Variants in BCAS3 observed in about 807,000 individuals in gnomAD.
BCAS3 encodes the protein BCAS3 microtubule associated cell migration factor.
In BCAS3, 53 loss-of-function variants were observed where a neutral mutation model predicts 116.1. The observed-to-expected ratio is 0.46, with a 90% confidence interval of 0.37 to 0.57. The LOEUF (loss-of-function observed/expected upper bound fraction) is 0.57. Ranked by LOEUF, BCAS3 falls within the 20% of genes least tolerant of loss-of-function variation. The pLI, the probability that BCAS3 is intolerant of heterozygous loss-of-function variation, is 0.00. For missense variants in BCAS3, 917 were observed against 1,165.4 expected (o/e 0.79, Z 3.10); for synonymous variants, 391 against 408.2 (o/e 0.96, Z 0.51).
chr17:61,155,561 C>CTA (rs1240586448), intron 22 of BCAS3, among the ~76,000 whole-genome samples: 1 of 151,526 alleles, frequency 6.6e-6, no homozygotes, highest in African/African-American at 2.4e-5. Context: ...GCTGCTCTCT[C>CTA]TAGGAGCGAA....
At chr17:61,320,945 G>A (rs2055159886) in intron 22 of BCAS3, among the ~76,000 whole-genome samples, 1 of 152,130 alleles carries the variant, frequency 6.6e-6, no homozygotes, top group South Asian at 2.1e-4. Context: ...CATTATCTCA[G>A]ATGAGCATTA....
rs572462503 is a variant in BCAS3 at position 61,327,131 on chromosome 17, C to T, written c.2426-41196C>T. On this transcript the variant is annotated intron_variant, in intron 22 of 23. Coordinates refer to ENST00000407086, the MANE Select transcript of BCAS3 (RefSeq NM_017679.5). The surrounding 1 kb of genome is among the most constrained non-coding windows in gnomAD (Gnocchi z 5.9). ...CCACCTGGCCAACATGGTGAAACCT[C>T]ATCTCTACTAAAAATACAAAAATTA... 3.7e-4 allele frequency among the ~76,000 whole-genome samples: 57 copies of T among 152,068 alleles called. No individual in the cohort carries two copies. The highest frequency in any genetic ancestry group is 2.4e-3 in the Admixed American group (36 of 15,272).
In BCAS3 at chr17:61,281,259, A is replaced by G. The variant is rs1568742991; in HGVS notation, c.2426-87068A>G. On this transcript the variant is annotated intron_variant, in intron 22 of 23. Coordinates refer to ENST00000407086, the MANE Select transcript of BCAS3 (RefSeq NM_017679.5). This position sits in a 1 kb window ranked among gnomAD's most constrained non-coding sequence, Gnocchi z 4.2. ...TTGTTGGATGTATAGATGGTCTTCA[A>G]TCTTTTGTCATTATAAACAGTGTTA... Among the ~76,000 whole-genome samples the G allele has an allele frequency of 6.6e-6, 1 of 152,334 alleles. No homozygotes were observed. The highest frequency in any genetic ancestry group is 1.9e-4 in the East Asian group (1 of 5,184).
chr17:60,746,191 A>C (rs1430150628), intron 5 of BCAS3, among the ~76,000 whole-genome samples: 1 of 152,184 alleles, frequency 6.6e-6, no homozygotes, highest in Non-Finnish European at 1.5e-5. Context: ...TTCATCAAAC[A>C]CTAGGCAATT....
chr17:61,248,825 A>G lies in BCAS3; in HGVS notation c.2426-119502A>G, dbSNP rs1050397357. On this transcript the variant is annotated intron_variant, in intron 22 of 23. Transcript: ENST00000407086. The surrounding 1 kb of genome is among the most constrained non-coding windows in gnomAD (Gnocchi z 4.3). ...TAGGTCAAGAGGTTTGAAGCAGTAT[A>G]TTCACCTTTTACACTTCAAACCACT... is the stretch of plus-strand genomic sequence containing the variant. 1.3e-5 allele frequency among the ~76,000 whole-genome samples: 2 copies of G among 152,220 alleles called. No individual in the cohort carries two copies. The highest frequency in any genetic ancestry group is 4.8e-5 in the African/African-American group (2 of 41,452).
At position 61,189,242 on chromosome 17, in the gene BCAS3, C is replaced by T. The variant is rs1601808807; in HGVS notation, c.2425+104678C>T. On this transcript the variant is annotated intron_variant, in intron 22 of 23. Transcript: ENST00000407086. The surrounding 1 kb of genome is among the most constrained non-coding windows in gnomAD (Gnocchi z 4.5). Reference sequence around the variant, plus strand: ...TTAAGGAAAGCTTTCTGTAGAAGTACACCTGGGAGAAGTGTAATAGCAATC... The same window carrying T: ...TTAAGGAAAGCTTTCTGTAGAAGTATACCTGGGAGAAGTGTAATAGCAATC... Among the ~76,000 whole-genome samples the T allele has an allele frequency of 1.3e-5, 2 of 152,182 alleles. No individual in the cohort carries two copies. Among genetic ancestry groups the T allele is most frequent in the Admixed American group, 6.5e-5 (1 of 15,284 alleles).
At chr17:60,999,840 T>A (rs1211366732) in intron 15 of BCAS3, among the ~76,000 whole-genome samples, 1 of 152,192 alleles carries the variant, frequency 6.6e-6, no homozygotes, top group Non-Finnish European at 1.5e-5. Flanking sequence ...AGCAGTGTTT[T>A]GTAGTTGTCC....
rs117155913 is a variant in BCAS3 at position 61,376,535 on chromosome 17, C to T, written c.2593+8041C>T. 2.7e-3 allele frequency among the ~76,000 whole-genome samples: 417 copies of T among 152,294 alleles called. 9 individuals are homozygous for T. The East Asian group carries it at 0.053, about 19-fold the overall frequency. The stretch of plus-strand genomic sequence containing the variant: ...GGAATCGCTCTCCTCTCCAGGATCC[C>T]CAGTGTGGCCGCCCATGAGACCCAG... On this transcript the variant is annotated intron_variant, in intron 23 of 23. Coordinates refer to ENST00000407086, the MANE Select transcript of BCAS3 (RefSeq NM_017679.5). This position sits in a 1 kb window ranked among gnomAD's most constrained non-coding sequence, Gnocchi z 4.5.
intron 6 of BCAS3, among the ~76,000 whole-genome samples, chr17:60,804,894 A>G (rs920134088): frequency 6.6e-6 from 1 of 151,516 alleles, no homozygotes; most frequent in Non-Finnish European, 1.5e-5. Flanking sequence ...TTCATCTCCT[A>G]TCACATTTAG....
At chr17:60,877,476 C>T (rs1055330841) in intron 9 of BCAS3, among the ~76,000 whole-genome samples, 1 of 152,174 alleles carries the variant, frequency 6.6e-6, no homozygotes, top group Non-Finnish European at 1.5e-5. Flanking sequence ...TGTTAGCACT[C>T]TTTCTTAATG....
At chr17:60,840,509 T>C (rs536463576) in intron 7 of BCAS3, among the ~76,000 whole-genome samples, 11 of 152,330 alleles carry the variant, frequency 7.2e-5, no homozygotes, top group East Asian at 1.9e-4. Context: ...TATAAAGATA[T>C]AATTACACAA....
At chr17:60,828,191 G>A (rs2050602841) in intron 7 of BCAS3, among the ~76,000 whole-genome samples, 1 of 152,156 alleles carries the variant, frequency 6.6e-6, no homozygotes, top group African/African-American at 2.4e-5. Flanking sequence ...AAGAACATCT[G>A]CATAGATTCT....
intron 6 of BCAS3, among the ~76,000 whole-genome samples, chr17:60,755,839 C>T (rs902320741): frequency 6.6e-6 from 1 of 151,952 alleles, no homozygotes; most frequent in African/African-American, 2.4e-5. Context: ...ACATGTTATG[C>T]GGTACTTGTG....
Position 61,242,306 on chromosome 17 carries a change from G to A in BCAS3, c.2426-126021G>A, listed in dbSNP as rs9912343. Among the ~76,000 whole-genome samples the A allele has an allele frequency of 7.4e-3, 1,119 of 151,176 alleles. 15 individuals are homozygous for A. The highest frequency in any genetic ancestry group is 0.026 in the African/African-American group (1,075 of 41,204). On this transcript the variant is annotated intron_variant, in intron 22 of 23. Coordinates refer to ENST00000407086, the MANE Select transcript of BCAS3 (RefSeq NM_017679.5). Reference sequence around the variant, plus strand: ...AAAAAAAAAAAAAATCCAAACATCAGGAAGACAGTGTAAATATCAGGGTCT... The same window carrying A: ...AAAAAAAAAAAAAATCCAAACATCAAGAAGACAGTGTAAATATCAGGGTCT...
intron 7 of BCAS3, among the ~76,000 whole-genome samples, chr17:60,836,246 T>C (rs1030812503): frequency 6.6e-6 from 1 of 152,172 alleles, no homozygotes; most frequent in Non-Finnish European, 1.5e-5. Context: ...GTGTTATACA[T>C]TCTGTGGGGT....
intron 22 of BCAS3, among the ~76,000 whole-genome samples, chr17:61,312,378 G>A (rs1285801189): frequency 6.6e-6 from 1 of 152,170 alleles, no homozygotes; most frequent in Non-Finnish European, 1.5e-5. Context: ...TTCACATCTG[G>A]TACTGAAGTG....
chr17:60,874,648 C>A lies in BCAS3; in HGVS notation c.585-14C>A. ...CTTTTTTTCTTTCTGTTTTTTTTCT[C>A]TCTCTAATTTTAGGATCCTTGTCGT... On this transcript the variant is annotated splice_polypyrimidine_tract_variant and intron_variant, in intron 8 of 23. Transcript: ENST00000407086. 6.4e-7 allele frequency: 1 copy of A among 1,569,066 alleles called. No homozygotes were observed. The highest frequency in any genetic ancestry group is 8.7e-7 in the Non-Finnish European group (1 of 1,148,358).
rs2068858485 is a variant in BCAS3, at chr17:61,051,555, A to G, written c.2029+10663A>G. Among the ~76,000 whole-genome samples the G allele has an allele frequency of 6.6e-6, 1 of 152,190 alleles. No individual in the cohort carries two copies. Among genetic ancestry groups the G allele is most frequent in the Non-Finnish European group, 1.5e-5 (1 of 68,036 alleles). On this transcript the variant is annotated intron_variant, in intron 19 of 23. Transcript: ENST00000407086. This position sits in a 1 kb window ranked among gnomAD's most constrained non-coding sequence, Gnocchi z 4.1. The stretch of plus-strand genomic sequence containing the variant: ...AAGGTACACAGAGTATCACTGTACT[A>G]TTTTGCAACTTTTTGTGAATCTTTA...
intron 16 of BCAS3, among the ~76,000 whole-genome samples, chr17:61,025,325 C>T (rs1423660051): frequency 4.9e-4 from 74 of 151,896 alleles, no homozygotes; most frequent in Non-Finnish European, 1.5e-5. Flanking sequence ...GCAATTCTGC[C>T]ACTGGTTCTG....
Sources: allele counts gnomAD v4.1 joint callset (sites outside exome capture counted in the v4.1 genomes callset), GRCh38; gene constraint gnomAD v4.1.1; non-coding constraint Gnocchi (gnomAD v3.1); transcripts MANE v1.5; gene names NCBI Gene and HGNC (gene_info 2026-07-23, HGNC 2026-07-21).